UTP15: variants seen among roughly 807,000 people sequenced by gnomAD.
The protein encoded by UTP15 is UTP15 small subunit processome component.
UTP15 carries 5 observed loss-of-function variants against 59.1 expected under a neutral mutation model. That is an observed-to-expected ratio of 0.08 (90% CI 0.04 to 0.18). The LOEUF (loss-of-function observed/expected upper bound fraction) is 0.18. Ranked by LOEUF, UTP15 falls within the 10% of genes least tolerant of loss-of-function variation. The pLI, the probability that UTP15 is intolerant of heterozygous loss-of-function variation, is 1.00. For synonymous variants in UTP15, 211 were observed against 212.2 expected (o/e 0.99, Z 0.05); for missense variants, 494 against 616.7 (o/e 0.80, Z 2.11).
rs769917253 is a variant in UTP15 at position 73,579,919 on chromosome 5, A to C, written c.1382A>C (p.Lys461Thr). The C allele has an allele frequency of 6.2e-7, 1 of 1,613,454 alleles. No homozygotes were observed. Among genetic ancestry groups the C allele is most frequent in the African/African-American group, 1.3e-5 (1 of 74,900 alleles). The change falls in exon 13 of 13, where the codon AAA becomes ACA. Residue 461 changes from lysine to threonine, a missense_variant. Physicochemically the swap from Lys to Thr is moderately conservative, Grantham distance 78. Coordinates refer to ENST00000296792, the MANE Select transcript of UTP15 (RefSeq NM_032175.4). ...PVIGQSPVVDKKFLLLQGLVE... is the reference protein window; with the variant it reads ...PVIGQSPVVDTKFLLLQGLVE... ...ATTGGTCAGTCCCCTGTAGTTGATA[A>C]AAAGTTTTTACTACTTCAAGGACTT...
chr5:73,577,705 C>T, intron 8 of UTP15, 151 bp from the exon 9 acceptor site: 1 of 638,520 alleles, frequency 1.6e-6, no homozygotes, highest in Admixed American at 3.7e-5. Context: ...CGTCTTGCAC[C>T]AATCATCGTT....
chr5:73,579,910 T>G lies in UTP15; in HGVS notation c.1373T>G (p.Val458Gly). The G allele has an allele frequency of 6.2e-7, 1 of 1,613,196 alleles. No individual in the cohort carries two copies. The highest frequency in any genetic ancestry group is 8.5e-7 in the Non-Finnish European group (1 of 1,179,380). ...IYLPVIGQSP[V>G]VDKKFLLLQG... The stretch of plus-strand genomic sequence containing the variant: ...CTGCCTGTAATTGGTCAGTCCCCTG[T>G]AGTTGATAAAAAGTTTTTACTACTT... Residue 458 changes from valine to glycine, a missense_variant, in exon 13 of 13, where the codon GTA becomes GGA. Coordinates refer to ENST00000296792, the MANE Select transcript of UTP15 (RefSeq NM_032175.4).
chr5:73,567,515 A>G lies in UTP15; in HGVS notation c.90+81A>G, dbSNP rs16870596. 0.014 allele frequency: 13,855 copies of G among 981,922 alleles called. 1,297 individuals carry two copies. The African/African-American group carries it at 0.2, about 14-fold the overall frequency. The allele number at this position is 981,922 out of a possible 1,614,324, so 60.8% of individuals were successfully genotyped here. ...GCATATGTTATACTCTGGATGCTCT[A>G]ACAGAGAATTATTAACTGAAAACCA... On this transcript the variant is annotated intron_variant, in intron 2 of 12. Coordinates refer to ENST00000296792, the MANE Select transcript of UTP15 (RefSeq NM_032175.4).
chr5:73,569,376 T>C, intron 4 of UTP15, 121 bp from the exon 5 acceptor site: 2 of 716,954 alleles, frequency 2.8e-6, no homozygotes, highest in Non-Finnish European at 4.2e-6. Context: ...TTTCCCCCTA[T>C]GAAGACTCCC....
Position 73,568,246 on chromosome 5 carries a change from G to T in UTP15, c.102G>T (p.Gln34His), listed in dbSNP as rs1747838226. 6.2e-7 allele frequency: 1 copy of T among 1,609,334 alleles called. No homozygotes were observed. The highest frequency in any genetic ancestry group is 8.5e-7 in the Non-Finnish European group (1 of 1,178,762). ...LYWNNYKTPV[Q>H]IKEFGAVSKV... is the part of the protein sequence containing the mutation. ...TATTTTTTATTAAGACCCCTGTTCA[G>T]ATTAAGGAATTTGGTGCAGTTTCAA... The change falls in exon 3 of 13, where the codon CAG becomes CAT. Residue 34 changes from glutamine to histidine, a missense_variant. Coordinates refer to ENST00000296792, the MANE Select transcript of UTP15 (RefSeq NM_032175.4).
intron 11 of UTP15, 27 bp downstream of exon 11, chr5:73,579,177 A>G: frequency 6.2e-7 from 1 of 1,612,464 alleles, no homozygotes. Flanking sequence ...TGAAACACTT[A>G]CATTTTGCAT....
chr5:73,582,857 C>T lies in UTP15; in HGVS notation c.*2763C>T, dbSNP rs1748364802. The stretch of plus-strand genomic sequence containing the variant: ...AGTTGAAAGGTATTTTAAAATGTTA[C>T]TAAGTCTGCAAAAGTACTGAAATGT... On this transcript the variant is annotated 3_prime_UTR_variant, in exon 13 of 13. Coordinates refer to ENST00000296792, the MANE Select transcript of UTP15 (RefSeq NM_032175.4). 6.6e-6 allele frequency: 1 copy of T among 152,124 alleles called. No individual in the cohort carries two copies. The highest frequency in any genetic ancestry group is 1.5e-5 in the Non-Finnish European group (1 of 68,036). The allele number at this position is 152,124 out of a possible 1,614,324, so 9.4% of individuals were successfully genotyped here.
intron 7 of UTP15, 66 bp from the exon 8 acceptor site, chr5:73,576,886 A>G (rs1053003041): frequency 1.8e-6 from 2 of 1,124,400 alleles, no homozygotes; most frequent in Admixed American, 2.3e-5. Context: ...GTTTTCAGAA[A>G]ATAGAAATTT....
chr5:73,568,324 A>T lies in UTP15; in HGVS notation c.180A>T (p.Ser60=). ...ATAATTATGCTGTCACAGCTTCCTC[A>T]AGAGTAAGTATAATATTAAATTTCT... ...PPYNYAVTAS[S]RIHIYGRYSQ... is the part of the protein sequence containing the mutation. The change falls in exon 3 of 13, where the codon TCA becomes TCT. Residue 60 remains serine, a synonymous_variant. Coordinates refer to ENST00000296792, the MANE Select transcript of UTP15 (RefSeq NM_032175.4). 6.2e-7 allele frequency: 1 copy of T among 1,602,852 alleles called. No homozygotes were observed. The highest frequency in any genetic ancestry group is 8.5e-7 in the Non-Finnish European group (1 of 1,175,660).
intron 12 of UTP15, 26 bp from the exon 13 acceptor site, chr5:73,579,851 A>C (rs1748244807): frequency 6.7e-7 from 1 of 1,491,876 alleles, no homozygotes; most frequent in Non-Finnish European, 9.1e-7. Flanking sequence ...ATTGCTAGTT[A>C]ATGTGTTTTC....
In UTP15 at chr5:73,572,588, G is replaced by T. The variant is rs1002852652; in HGVS notation, c.773G>T (p.Ser258Ile). 5.0e-6 allele frequency: 8 copies of T among 1,614,000 alleles called. No individual in the cohort carries two copies. Among genetic ancestry groups the T allele is most frequent in the East Asian group, 4.5e-5 (2 of 44,890 alleles). The change falls in exon 7 of 13, where the codon AGC becomes ATC. Residue 258 changes from serine (S) to isoleucine (I), a missense_variant. By Grantham distance (142) the Ser-to-Ile change is moderately radical. Transcript: ENST00000296792. ...HKTVTCLCLS[S>I]SGQRLLSGSL... ...ACCGTGACATGTTTATGTCTAAGCA[G>T]CTCTGGACAGAGGTTACTCTCTGGC...
Position 73,580,081 on chromosome 5 carries a change from A to G in UTP15, c.1544A>G (p.Lys515Arg). The G allele has an allele frequency of 6.2e-7, 1 of 1,613,324 alleles. No homozygotes were observed. Among genetic ancestry groups the G allele is most frequent in the South Asian group, 1.1e-5 (1 of 91,006 alleles). ...TCTGATGGATTTCCAGAGAATAAGAAGATAGAATCATAGTGTCTGCTAAAT... is the reference window on the plus strand; with the variant it reads ...TCTGATGGATTTCCAGAGAATAAGAGGATAGAATCATAGTGTCTGCTAAAT... ...HTSDGFPENK[K>R]IES Residue 515 changes from lysine (K) to arginine (R), a missense_variant, in exon 13 of 13, where the codon AAG becomes AGG. Lys to Arg is a conservative substitution (Grantham distance 26). Transcript: ENST00000296792.
chr5:73,576,082 C>T (rs1748080930), intron 7 of UTP15, among the ~76,000 whole-genome samples: 1 of 148,176 alleles, frequency 6.7e-6, no homozygotes, highest in Non-Finnish European at 1.5e-5. Flanking sequence ...ATGGTCTGTC[C>T]TTCTGTTTTT....
intron 7 of UTP15, among the ~76,000 whole-genome samples, chr5:73,575,553 C>T (rs78629292): frequency 3.5e-5 from 5 of 141,290 alleles, no homozygotes; most frequent in Admixed American, 2.1e-4. Flanking sequence ...TTCTTTCTTT[C>T]TTTTTTTTTT....
chr5:73,578,831 G>C lies in UTP15; in HGVS notation c.1125G>C (p.Lys375Asn). ...DRDLKHFRISKALDRVLDPTC... is the reference protein window; with the variant it reads ...DRDLKHFRISNALDRVLDPTC... ...ATCTGAAACATTTTCGGATCTCTAA[G>C]GCACTCGATAGAGTTCTTGATGTGA... The change falls in exon 10 of 13, where the codon AAG becomes AAC. Residue 375 changes from lysine (K) to asparagine (N), a missense_variant. Physicochemically the swap from Lys to Asn is moderately conservative, Grantham distance 94. Coordinates refer to ENST00000296792, the MANE Select transcript of UTP15 (RefSeq NM_032175.4). The C allele has an allele frequency of 3.1e-6, 5 of 1,613,832 alleles. No homozygotes were observed. Among genetic ancestry groups the C allele is most frequent in the Non-Finnish European group, 4.2e-6 (5 of 1,179,822 alleles).
chr5:73,566,938 C>T (rs1747794011), intron 1 of UTP15, among the ~76,000 whole-genome samples: 1 of 152,158 alleles, frequency 6.6e-6, no homozygotes, highest in South Asian at 2.1e-4. Flanking sequence ...TTAATATTTC[C>T]TGTTGCCAAA....
At chr5:73,570,472 T>C (rs1484179846) in intron 5 of UTP15, 114 bp from the exon 6 acceptor site, 3 of 1,036,570 alleles carry the variant, frequency 2.9e-6, no homozygotes, top group Non-Finnish European at 4.2e-6. Context: ...TATACATATA[T>C]GTCTTTTTAA....
chr5:73,571,678 G>C (rs1393491977), intron 6 of UTP15, among the ~76,000 whole-genome samples: 1 of 151,674 alleles, frequency 6.6e-6, no homozygotes, highest in Non-Finnish European at 1.5e-5. Flanking sequence ...GCTCACGCCT[G>C]TAATCCTAGC....
rs749467044 is a variant in UTP15, at chr5:73,568,514, G to C, written c.278G>C (p.Arg93Thr). 1.2e-6 allele frequency: 2 copies of C among 1,614,148 alleles called. No homozygotes were observed. The highest frequency in any genetic ancestry group is 3.3e-5 in the Admixed American group (2 of 60,026). ...TGTGCTACTTTTCGACAAGATGGTA[G>C]ATTGCTTGTGGCTGGCAGTGAAGAT... ...AYCATFRQDG[R>T]LLVAGSEDGG... The change falls in exon 4 of 13, where the codon AGA becomes ACA. Residue 93 changes from arginine to threonine, a missense_variant. By Grantham distance (71) the Arg-to-Thr change is moderately conservative. Coordinates refer to ENST00000296792, the MANE Select transcript of UTP15 (RefSeq NM_032175.4).
Sources: allele counts gnomAD v4.1 joint callset (sites outside exome capture counted in the v4.1 genomes callset), GRCh38; gene constraint gnomAD v4.1.1; transcripts MANE v1.5; gene names NCBI Gene and HGNC (gene_info 2026-07-23, HGNC 2026-07-21).